The following TANC1 variants were observed in gnomAD, a reference collection of about 807,000 sequenced individuals.
TANC1 encodes the protein protein TANC1.
TANC1 carries 77 observed loss-of-function variants against 149.7 expected under a neutral mutation model. The ratio of observed to expected loss-of-function variants is 0.51; its 90% CI spans 0.43 to 0.62. TANC1 has a LOEUF of 0.62. Among genes scored for constraint, TANC1 ranks in the 20% least tolerant of loss-of-function variants. The pLI, the probability that TANC1 is intolerant of heterozygous loss-of-function variation, is 0.00. For synonymous variants in TANC1, 854 were observed against 925.0 expected, an observed-to-expected ratio of 0.92 and a Z score of 1.39; for missense variants, 1,985 against 2,321.8, an observed-to-expected ratio of 0.85 and a Z score of 2.98.
intron 5 of TANC1, among the ~76,000 whole-genome samples, chr2:159,136,988 C>T (rs1316727039): frequency 1.3e-5 from 2 of 152,172 alleles, no homozygotes; most frequent in African/African-American, 4.8e-5. Flanking sequence ...ACTCACATCT[C>T]TCTTGCCTTT....
chr2:159,176,723 G>C (rs952969131), intron 13 of TANC1, among the ~76,000 whole-genome samples: 1 of 152,150 alleles, frequency 6.6e-6, no homozygotes, highest in South Asian at 2.1e-4. Flanking sequence ...TGTCAGGTAA[G>C]TTTCCTGTTG....
At chr2:159,122,083 A>G (rs942838806) in intron 4 of TANC1, among the ~76,000 whole-genome samples, 4 of 152,176 alleles carry the variant, frequency 2.6e-5, no homozygotes, top group Non-Finnish European at 5.9e-5. Flanking sequence ...GACTACAGGC[A>G]CACGCCACCA....
At chr2:159,121,850 C>T (rs778072198) in intron 4 of TANC1, among the ~76,000 whole-genome samples, 3 of 152,202 alleles carry the variant, frequency 2.0e-5, no homozygotes, top group Admixed American at 6.5e-5. Flanking sequence ...AAGATACTGT[C>T]GGAGGGTCTG....
intron 15 of TANC1, 156 bp from the exon 16 acceptor site, chr2:159,186,746 A>G: frequency 2.4e-6 from 2 of 841,368 alleles, no homozygotes; most frequent in East Asian, 5.3e-5. Flanking sequence ...GAAAGCTCGC[A>G]TGTCCAGGCA....
rs144441965 is a variant in TANC1, at chr2:159,108,506, A to AG, written c.259+10676dup. On this transcript the variant is annotated intron_variant, in intron 4 of 26. Transcript: ENST00000263635. Reference sequence around the variant, plus strand: ...CACCTCAGAGAAAATAGATGAGGGCAGGGGCCTTGGTGGTGGAGATCTTTT... The same window carrying AG: ...CACCTCAGAGAAAATAGATGAGGGCAGGGGGCCTTGGTGGTGGAGATCTTTT... 9.8e-3 allele frequency among the ~76,000 whole-genome samples: 1,493 copies of AG among 152,342 alleles called. 20 individuals are homozygous for AG. The highest frequency in any genetic ancestry group is 0.034 in the African/African-American group (1,404 of 41,580).
At chr2:159,165,399 G>T (rs986508105) in intron 8 of TANC1, among the ~76,000 whole-genome samples, 1 of 152,218 alleles carries the variant, frequency 6.6e-6, no homozygotes, top group Non-Finnish European at 1.5e-5. Context: ...TAATGGGTTT[G>T]CTCATTTCTT....
rs115836808 is a variant in TANC1 at position 159,042,518 on chromosome 2, G to A, written c.-15-23378G>A. Reference sequence around the variant, plus strand: ...GCATCTGCTTCTGCTTGTGATGAGAGTGAGAGCGGGAGGGTGGTGGATGAC... The same window carrying A: ...GCATCTGCTTCTGCTTGTGATGAGAATGAGAGCGGGAGGGTGGTGGATGAC... On this transcript the variant is annotated intron_variant, in intron 2 of 26. Transcript: ENST00000263635. 2.1e-3 allele frequency among the ~76,000 whole-genome samples: 320 copies of A among 152,168 alleles called. 2 individuals carry two copies. Among genetic ancestry groups the A allele is most frequent in the Middle Eastern group, 0.01 (3 of 294 alleles).
chr2:159,162,915 G>A (rs914619411), intron 7 of TANC1, among the ~76,000 whole-genome samples: 64 of 152,198 alleles, frequency 4.2e-4, no homozygotes, highest in African/African-American at 1.5e-3. Context: ...ATATTTAAAG[G>A]TTCAAAGGAA....
chr2:159,081,237 G>A (rs950024795), intron 3 of TANC1, among the ~76,000 whole-genome samples: 1 of 152,206 alleles, frequency 6.6e-6, no homozygotes, highest in African/African-American at 2.4e-5. Context: ...ATAACCAAGT[G>A]TCCACATTCA....
intron 20 of TANC1, among the ~76,000 whole-genome samples, chr2:159,218,240 T>C (rs568100762): frequency 6.6e-6 from 1 of 152,330 alleles, no homozygotes; most frequent in East Asian, 1.9e-4. Context: ...GTTATGACCA[T>C]TACAAAGAAG....
chr2:159,103,594 C>G lies in TANC1; in HGVS notation c.259+5760C>G, dbSNP rs1301237350. Among the ~76,000 whole-genome samples the G allele has an allele frequency of 2.6e-4, 25 of 96,786 alleles. 11 individuals are homozygous for G. The highest frequency in any genetic ancestry group is 2.1e-3 in the Admixed American group (19 of 9,128). The allele number at this position is 96,786 out of a possible 152,430, so 63.5% of individuals were successfully genotyped here. On this transcript the variant is annotated intron_variant, in intron 4 of 26. Coordinates refer to ENST00000263635, the MANE Select transcript of TANC1 (RefSeq NM_033394.3). Reference sequence around the variant, plus strand: ...GGGAATTATGACAGCTGAGTCAGATCAAGTTCATGGTCAGAAAAACATTCA... The same window carrying G: ...GGGAATTATGACAGCTGAGTCAGATGAAGTTCATGGTCAGAAAAACATTCA...
At chr2:159,168,428 T>C (rs906889507) in intron 8 of TANC1, among the ~76,000 whole-genome samples, 2 of 151,668 alleles carry the variant, frequency 1.3e-5, no homozygotes, top group African/African-American at 4.8e-5. Flanking sequence ...GCCTCCCAAG[T>C]AGCTGGGATT....
Position 159,128,543 on chromosome 2 carries a change from C to T in TANC1, c.260-7651C>T, listed in dbSNP as rs76763991. Among the ~76,000 whole-genome samples the T allele has an allele frequency of 5.4e-4, 83 of 152,320 alleles. 2 individuals carry two copies. The highest frequency in any genetic ancestry group is 1.9e-3 in the African/African-American group (80 of 41,566). On this transcript the variant is annotated intron_variant, in intron 4 of 26. Coordinates refer to ENST00000263635, the MANE Select transcript of TANC1 (RefSeq NM_033394.3). ...TGGTCAGTTCATTTTCTGTCTCCTT[C>T]CCCCAAGGTGAATCTTCCCAAGAGG...
chr2:159,220,881 C>A (rs1435590447), intron 22 of TANC1, among the ~76,000 whole-genome samples: 5 of 152,160 alleles, frequency 3.3e-5, no homozygotes, highest in Admixed American at 6.5e-5. Context: ...CATGCCCGGA[C>A]AAAGTTTTAT....
chr2:159,000,334 A>G (rs2036516312), intron 1 of TANC1, among the ~76,000 whole-genome samples: 2 of 152,178 alleles, frequency 1.3e-5, no homozygotes, highest in Non-Finnish European at 2.9e-5. Flanking sequence ...TAGCACGTCA[A>G]GCCTGCTGGC....
chr2:159,197,628 CAGAG>C (rs70994273), intron 18 of TANC1, among the ~76,000 whole-genome samples: 39 of 151,298 alleles, frequency 2.6e-4, no homozygotes, highest in African/African-American at 9.0e-4. Flanking sequence ...CACACACACA[CAGAG>C]AGATACTGTT....
At chr2:159,073,918 T>G (rs1393256252) in intron 3 of TANC1, among the ~76,000 whole-genome samples, 2 of 152,240 alleles carry the variant, frequency 1.3e-5, no homozygotes, top group African/African-American at 4.8e-5. Flanking sequence ...ATTTCGTGGC[T>G]GGTGATCCAA....
Position 159,059,998 on chromosome 2 carries a change from T to C in TANC1, c.-15-5898T>C, listed in dbSNP as rs138005709. ...TTGTTTTTTCTTATTTGCTTTAGTC[T>C]GTATTATTTATTTTGTAGGCTGCTT... is the stretch of plus-strand genomic sequence containing the variant. On this transcript the variant is annotated intron_variant, in intron 2 of 26. Coordinates refer to ENST00000263635, the MANE Select transcript of TANC1 (RefSeq NM_033394.3). 326 of 241,210 alleles carry C rather than the reference T, an allele frequency of 1.4e-3. 1 individual carries two copies. Among genetic ancestry groups the C allele is most frequent in the African/African-American group, 7.0e-3 (298 of 42,808 alleles). The allele number at this position is 241,210 out of a possible 1,614,324, so 14.9% of individuals were successfully genotyped here.
At chr2:158,993,772 G>T (rs2035894745) in intron 1 of TANC1, among the ~76,000 whole-genome samples, 1 of 152,048 alleles carries the variant, frequency 6.6e-6, no homozygotes, top group African/African-American at 2.4e-5. Context: ...AAATTTTCTT[G>T]TTAAATTTTT....
Sources: allele counts gnomAD v4.1 joint callset (sites outside exome capture counted in the v4.1 genomes callset), GRCh38; gene constraint gnomAD v4.1.1; transcripts MANE v1.5; gene names NCBI Gene and HGNC (gene_info 2026-07-23, HGNC 2026-07-21).